The following RBFOX1 variants were observed in gnomAD, a reference collection of about 807,000 sequenced individuals.
RBFOX1 encodes the protein RNA binding protein fox-1 homolog 1.
A neutral mutation model predicts 57.7 loss-of-function variants in RBFOX1; 8 were observed. That is an observed-to-expected ratio of 0.14 (90% CI 0.08 to 0.25). RBFOX1 has a LOEUF of 0.25. Among genes scored for constraint, RBFOX1 ranks in the 10% least tolerant of loss-of-function variants. RBFOX1 has a pLI of 1.00. For missense variants in RBFOX1, 611 were observed against 548.5 expected (o/e 1.11, Z -1.14); for synonymous variants, 326 against 222.4 (o/e 1.47, Z -4.15).
intron 1 of RBFOX1, among the ~76,000 whole-genome samples, chr16:5,446,184 A>G (rs920355778): frequency 2.6e-5 from 4 of 152,184 alleles, no homozygotes; most frequent in Non-Finnish European, 5.9e-5. Flanking sequence ...CAAAGGGACA[A>G]TAGGAGTCTA....
chr16:6,745,158 T>C (rs1337555043), intron 3 of RBFOX1, among the ~76,000 whole-genome samples: 1 of 152,146 alleles, frequency 6.6e-6, no homozygotes, highest in East Asian at 1.9e-4. Context: ...AATTTCCTGA[T>C]ATATATCAAA....
chr16:6,188,381 G>T (rs1800530559), intron 1 of RBFOX1, among the ~76,000 whole-genome samples: 2 of 117,608 alleles, frequency 1.7e-5, no homozygotes, highest in East Asian at 2.5e-4. Flanking sequence ...AGAGCTTTGA[G>T]AAGAAATTTA....
intron 7 of RBFOX1, among the ~76,000 whole-genome samples, chr16:7,589,597 G>C (rs1022965114): frequency 5.3e-5 from 8 of 151,822 alleles, no homozygotes; most frequent in African/African-American, 1.7e-4. Flanking sequence ...TGTTGGAGCT[G>C]ACTGTTTAGG....
intron 4 of RBFOX1, among the ~76,000 whole-genome samples, chr16:7,053,017 A>C (rs1048045737): frequency 1.1e-4 from 17 of 152,310 alleles, no homozygotes; most frequent in African/African-American, 3.9e-4. Context: ...CCTGTGCCCA[A>C]AGGTGTCTAA....
At chr16:6,243,166 GTT>G (rs2097549314) in intron 1 of RBFOX1, among the ~76,000 whole-genome samples, 1 of 151,784 alleles carries the variant, frequency 6.6e-6, no homozygotes, top group African/African-American at 2.4e-5. Flanking sequence ...GTGTGTGTGT[GTT>G]TATGTACAGT....
rs538380719 is a variant in RBFOX1, at chr16:7,376,385, A to G, written c.28-141762A>G. Among the ~76,000 whole-genome samples, 34 of 152,278 alleles carry G rather than the reference A, an allele frequency of 2.2e-4. 1 individual carries two copies. The South Asian group carries it at 7.0e-3, about 32-fold the overall frequency. The stretch of plus-strand genomic sequence containing the variant: ...ATGACTCAACGCAGCATCGCCTTTG[A>G]GGTGATCCAGGACTTTCATCCCCAT... On this transcript the variant is annotated intron_variant, in intron 4 of 15. Coordinates refer to ENST00000550418, the MANE Select transcript of RBFOX1 (RefSeq NM_018723.4).
intron 1 of RBFOX1, among the ~76,000 whole-genome samples, chr16:6,044,458 T>A (rs2095474522): frequency 6.6e-6 from 1 of 151,122 alleles, no homozygotes; most frequent in Admixed American, 6.6e-5. Flanking sequence ...GACAGGCTAT[T>A]GCCCTTGTCT....
intron 3 of RBFOX1, among the ~76,000 whole-genome samples, chr16:6,882,775 C>G (rs949412634): frequency 6.6e-6 from 1 of 151,944 alleles, no homozygotes; most frequent in Admixed American, 6.6e-5. Context: ...AAACGCAAGA[C>G]CAGGATGCAA....
chr16:5,611,321 A>T (rs2047777861), intron 3 of RBFOX1: 1 of 151,990 alleles, frequency 6.6e-6, no homozygotes, highest in Admixed American at 6.6e-5. Context: ...CTGTATTCTA[A>T]TTTGTTCTCT....
intron 3 of RBFOX1, among the ~76,000 whole-genome samples, chr16:7,015,610 G>C (rs879387707): frequency 1.3e-5 from 2 of 152,164 alleles, no homozygotes; most frequent in Non-Finnish European, 2.9e-5. Flanking sequence ...GAGCCTATTA[G>C]ACACCATTTG....
intron 3 of RBFOX1, among the ~76,000 whole-genome samples, chr16:5,828,949 T>G (rs1308180031): frequency 3.9e-5 from 6 of 152,190 alleles, no homozygotes; most frequent in Non-Finnish European, 8.8e-5. Flanking sequence ...AGACACAGCT[T>G]AGCTGGGTCC....
At chr16:7,307,031 G>A (rs922556687) in intron 4 of RBFOX1, among the ~76,000 whole-genome samples, 1 of 152,138 alleles carries the variant, frequency 6.6e-6, no homozygotes, top group East Asian at 1.9e-4. Context: ...TTTATGATAA[G>A]TAACACCTTC....
intron 3 of RBFOX1, among the ~76,000 whole-genome samples, chr16:5,734,290 C>T (rs976334902): frequency 1.3e-5 from 2 of 151,844 alleles, no homozygotes; most frequent in Non-Finnish European, 2.9e-5. Flanking sequence ...AGAGACCCCA[C>T]GTCTACACAA....
intron 2 of RBFOX1, among the ~76,000 whole-genome samples, chr16:6,482,775 C>G (rs996263110): frequency 1.5e-4 from 23 of 152,058 alleles, no homozygotes; most frequent in African/African-American, 4.8e-4. Flanking sequence ...GTGCTGGGGT[C>G]TTCGATGTTT....
At chr16:6,600,368 T>C (rs2097838100) in intron 2 of RBFOX1, among the ~76,000 whole-genome samples, 1 of 152,142 alleles carries the variant, frequency 6.6e-6, no homozygotes, top group Non-Finnish European at 1.5e-5. Context: ...TGCTAAGCAG[T>C]CTGTCACATG....
At chr16:7,347,215 G>A (rs1390789504) in intron 4 of RBFOX1, among the ~76,000 whole-genome samples, 1 of 152,130 alleles carries the variant, frequency 6.6e-6, no homozygotes, top group Non-Finnish European at 1.5e-5. Flanking sequence ...GCATTAGTCT[G>A]TTTTCATGCT....
chr16:5,352,121 T>G (rs1025381689), intron 1 of RBFOX1, among the ~76,000 whole-genome samples: 2 of 152,002 alleles, frequency 1.3e-5, no homozygotes, highest in African/African-American at 4.8e-5. Context: ...CTATTCTTAT[T>G]TTTGTACTTT....
chr16:6,505,541 C>T lies in RBFOX1; in HGVS notation c.-63-149062C>T, dbSNP rs573840645. On this transcript the variant is annotated intron_variant, in intron 2 of 15. Coordinates refer to ENST00000550418, the MANE Select transcript of RBFOX1 (RefSeq NM_018723.4). ...ACACGTTTACTCTGTGTATTCTCAC[C>T]GTCTAGTACAGCTAGACAGAGATTA... Among the ~76,000 whole-genome samples, 33 of 152,248 alleles carry T rather than the reference C, an allele frequency of 2.2e-4. 1 individual carries two copies. Among genetic ancestry groups the T allele is most frequent in the South Asian group, 6.2e-4 (3 of 4,810 alleles).
At chr16:5,784,430 C>CA (rs112215879) in intron 3 of RBFOX1, among the ~76,000 whole-genome samples, 42,429 of 147,488 alleles carry the variant, frequency 0.29, 6,328 homozygotes, top group East Asian at 0.55. Context: ...CCGTCTGAAA[C>CA]AAAAAAAAAA....
Sources: allele counts gnomAD v4.1 joint callset (sites outside exome capture counted in the v4.1 genomes callset), GRCh38; gene constraint gnomAD v4.1.1; transcripts MANE v1.5; gene names NCBI Gene and HGNC (gene_info 2026-07-23, HGNC 2026-07-21).